LAMA3: variants seen among roughly 807,000 people sequenced by gnomAD.
LAMA3 encodes laminin subunit alpha-3.
Under a neutral mutation model 402.0 loss-of-function variants are expected in LAMA3, and 281 were observed. The ratio of observed to expected loss-of-function variants is 0.70; its 90% confidence interval spans 0.63 to 0.77. LAMA3 has a LOEUF of 0.77. Among genes scored for constraint, LAMA3 ranks in the 30% least tolerant of loss-of-function variants. The pLI is 0.00. For synonymous variants in LAMA3, 1,431 were observed against 1,558.4 expected, an observed-to-expected ratio of 0.92 and a Z score of 1.93; for missense variants, 3,840 against 4,215.5, an observed-to-expected ratio of 0.91 and a Z score of 2.47.
intron 62 of LAMA3, among the ~76,000 whole-genome samples, chr18:23,927,132 C>T (rs889163930): frequency 6.6e-6 from 1 of 152,186 alleles, no homozygotes; most frequent in East Asian, 1.9e-4. Flanking sequence ...GTGCCATGCA[C>T]TGCTGCAAGC....
intron 1 of LAMA3, among the ~76,000 whole-genome samples, chr18:23,698,053 AT>A (rs975577036): frequency 2.4e-5 from 3 of 126,710 alleles, no homozygotes; most frequent in African/African-American, 9.1e-5. Context: ...TTTTACCTTA[AT>A]TATCTCTTTA....
At chr18:23,707,420 C>T (rs569953452) in intron 1 of LAMA3, among the ~76,000 whole-genome samples, 8 of 152,334 alleles carry the variant, frequency 5.3e-5, no homozygotes, top group Admixed American at 2.0e-4. Flanking sequence ...AATGACACAT[C>T]TGCTATAACA....
chr18:23,821,909 A>G (rs941800816), intron 19 of LAMA3, among the ~76,000 whole-genome samples: 3 of 152,142 alleles, frequency 2.0e-5, no homozygotes, highest in African/African-American at 7.2e-5. Context: ...TTTCCTAGCC[A>G]GTGGTGGTTG....
intron 2 of LAMA3, among the ~76,000 whole-genome samples, chr18:23,723,219 A>T (rs972047935): frequency 6.6e-6 from 1 of 152,188 alleles, no homozygotes; most frequent in African/African-American, 2.4e-5. Context: ...TATCTTTGAC[A>T]TGAAACTACT....
At chr18:23,711,024 C>G (rs759837234) in intron 1 of LAMA3, among the ~76,000 whole-genome samples, 2 of 152,096 alleles carry the variant, frequency 1.3e-5, no homozygotes, top group African/African-American at 2.4e-5. Flanking sequence ...CAAAGTTAAT[C>G]CAGAAAAACC....
chr18:23,924,743 A>G (rs1378714101), intron 62 of LAMA3, among the ~76,000 whole-genome samples: 1 of 151,628 alleles, frequency 6.6e-6, no homozygotes, highest in East Asian at 1.9e-4. Flanking sequence ...GGGTTTTGCC[A>G]TGTTGGTCTG....
At chr18:23,823,526 A>G (rs1568222848) in intron 20 of LAMA3, among the ~76,000 whole-genome samples, 1 of 152,188 alleles carries the variant, frequency 6.6e-6, no homozygotes, top group Admixed American at 6.5e-5. Flanking sequence ...CCTCCCAAAT[A>G]CCACTGTCCA....
At position 23,907,523 on chromosome 18, in the gene LAMA3, G is replaced by A. The variant is rs1233564236; in HGVS notation, c.6719-27G>A. 3.4e-6 allele frequency: 5 copies of A among 1,483,156 alleles called. No individual in the cohort carries two copies. In the African/African-American group the frequency reaches 5.5e-5, roughly 16 times the overall value. The allele number at this position is 1,483,156 out of a possible 1,614,324, so 91.9% of individuals were successfully genotyped here. On this transcript the variant is annotated intron_variant, in intron 52 of 74. Transcript: ENST00000313654. ...GAGGATCAAAATGCACAAAGTAATTGCCTCCTGATGCTTTATTTTATTTTA... is the reference window on the plus strand; with the variant it reads ...GAGGATCAAAATGCACAAAGTAATTACCTCCTGATGCTTTATTTTATTTTA...
chr18:23,924,943 A>T (rs2081961826), intron 62 of LAMA3, among the ~76,000 whole-genome samples: 1 of 152,192 alleles, frequency 6.6e-6, no homozygotes, highest in Admixed American at 6.5e-5. Flanking sequence ...CTAAAGCAAA[A>T]TTCTAAGGAA....
intron 23 of LAMA3, among the ~76,000 whole-genome samples, chr18:23,831,566 G>A (rs1226135978): frequency 6.6e-6 from 1 of 152,006 alleles, no homozygotes; most frequent in Non-Finnish European, 1.5e-5. Context: ...ACTAGCTCAG[G>A]CCCCTGTCTT....
At chr18:23,892,572 G>A (rs118082263) in intron 42 of LAMA3, among the ~76,000 whole-genome samples, 276 of 152,156 alleles carry the variant, frequency 1.8e-3, no homozygotes, top group Non-Finnish European at 2.9e-3. Context: ...CCATTTACAG[G>A]CTAACTGAGG....
chr18:23,945,998 A>G, intron 69 of LAMA3, 146 bp from the exon 70 acceptor site: 1 of 787,236 alleles, frequency 1.3e-6, no homozygotes. Flanking sequence ...GATAGTGATA[A>G]CCGGAGGAAA....
At chr18:23,908,341 T>A (rs1329969175) in intron 54 of LAMA3, among the ~76,000 whole-genome samples, 1 of 151,812 alleles carries the variant, frequency 6.6e-6, no homozygotes, top group Non-Finnish European at 1.5e-5. Context: ...CCATCCTGGC[T>A]AACATGGTGA....
chr18:23,928,600 A>G (rs372591389), intron 63 of LAMA3, 25 bp from the exon 64 acceptor site: 4 of 1,611,698 alleles, frequency 2.5e-6, no homozygotes, highest in Admixed American at 3.3e-5. Context: ...CAATGCCAGT[A>G]ATTTATTCCA....
intron 12 of LAMA3, among the ~76,000 whole-genome samples, chr18:23,798,967 A>G (rs1476275065): frequency 6.6e-6 from 1 of 152,260 alleles, no homozygotes; most frequent in Admixed American, 6.5e-5. Flanking sequence ...TCTGTCTGAT[A>G]GCAATGTTGC....
intron 32 of LAMA3, among the ~76,000 whole-genome samples, chr18:23,857,388 T>A (rs954254938): frequency 1.3e-5 from 2 of 152,222 alleles, no homozygotes; most frequent in Non-Finnish European, 2.9e-5. Flanking sequence ...CCCGCTCTGT[T>A]CCTTCTGTCT....
intron 62 of LAMA3, among the ~76,000 whole-genome samples, chr18:23,925,830 A>T (rs1488407010): frequency 6.6e-6 from 1 of 152,126 alleles, no homozygotes; most frequent in Non-Finnish European, 1.5e-5. Flanking sequence ...GCTGTAGGTA[A>T]CTCTTCTAGA....
At chr18:23,695,639 A>G (rs1304471932) in intron 1 of LAMA3, among the ~76,000 whole-genome samples, 1 of 151,598 alleles carries the variant, frequency 6.6e-6, no homozygotes, top group Non-Finnish European at 1.5e-5. Flanking sequence ...CTGGCCAAAT[A>G]AAAAATAAAT....
At chr18:23,731,560 C>T (rs1032512183) in intron 2 of LAMA3, among the ~76,000 whole-genome samples, 7 of 152,306 alleles carry the variant, frequency 4.6e-5, no homozygotes, top group Non-Finnish European at 1.0e-4. Flanking sequence ...AACTGGTGTG[C>T]AGTCATGGCA....
Sources: allele counts gnomAD v4.1 joint callset (sites outside exome capture counted in the v4.1 genomes callset), GRCh38; gene constraint gnomAD v4.1.1; transcripts MANE v1.5; gene names NCBI Gene and HGNC (gene_info 2026-07-23, HGNC 2026-07-21).